Variants in PKNOX1 observed in about 807,000 individuals in gnomAD.
The protein encoded by PKNOX1 is PBX/knotted 1 homeobox 1, also known as homeobox protein PKNOX1.
Under a neutral mutation model 51.9 loss-of-function variants are expected in PKNOX1, and 15 were observed. The observed-to-expected ratio is 0.29, with a 90% CI of 0.19 to 0.45. The LOEUF (loss-of-function observed/expected upper bound fraction) is 0.45, where lower values mean the gene tolerates loss of function less well. PKNOX1 is among the 20% of genes least tolerant of loss of function. The pLI is 1.00. For synonymous variants in PKNOX1, 219 were observed against 211.1 expected (o/e 1.04, Z -0.32); for missense variants, 462 against 547.5 (o/e 0.84, Z 1.56).
At chr21:42,975,758 C>T (rs946434595) in intron 1 of PKNOX1, among the ~76,000 whole-genome samples, 2 of 152,212 alleles carry the variant, frequency 1.3e-5, no homozygotes, top group Non-Finnish European at 2.9e-5. Flanking sequence ...GGGGGGTGTT[C>T]CACCTGTGTG....
At chr21:43,006,096 G>T (rs1003244795) in intron 2 of PKNOX1, among the ~76,000 whole-genome samples, 1 of 151,092 alleles carries the variant, frequency 6.6e-6, no homozygotes, top group South Asian at 2.1e-4. Flanking sequence ...ATCTTTTAAG[G>T]CTTCTTATTT....
intron 1 of PKNOX1, among the ~76,000 whole-genome samples, chr21:42,986,949 T>C (rs2059055057): frequency 6.6e-6 from 1 of 152,164 alleles, no homozygotes; most frequent in Non-Finnish European, 1.5e-5. Context: ...GAGTTGGTCC[T>C]CTGCTAGGCG....
chr21:43,004,356 GATGTCTT>G lies in PKNOX1; in HGVS notation c.-23_-17del. The G allele has an allele frequency of 6.5e-7, 1 of 1,529,876 alleles. No homozygotes were observed. The highest frequency in any genetic ancestry group is 1.1e-5 in the South Asian group (1 of 89,196). The allele number at this position is 1,529,876 out of a possible 1,614,324, so 94.8% of individuals were successfully genotyped here. ...ATTCGCTTTTCACCCAAGATGATTT[GATGTCTT>G]ATAAAACTCTGATGAACCATGATGG... On this transcript the variant is annotated 5_prime_UTR_variant, in exon 2 of 11. The change abolishes an upstream ATG in the 5' untranslated region. Transcript: ENST00000291547.
intron 4 of PKNOX1, among the ~76,000 whole-genome samples, chr21:43,010,578 G>C (rs574808472): frequency 6.6e-5 from 10 of 152,138 alleles, no homozygotes; most frequent in African/African-American, 2.4e-4. Context: ...TAGGCCAGGC[G>C]TGGTGGCTCA....
At chr21:42,978,295 G>A (rs1375744953) in intron 1 of PKNOX1, among the ~76,000 whole-genome samples, 3 of 151,984 alleles carry the variant, frequency 2.0e-5, no homozygotes, top group Non-Finnish European at 2.9e-5. Flanking sequence ...GTGAGCCAAC[G>A]GACCTGGCCA....
intron 1 of PKNOX1, among the ~76,000 whole-genome samples, chr21:42,999,262 C>T (rs1978642037): frequency 6.6e-6 from 1 of 152,316 alleles, no homozygotes; most frequent in South Asian, 2.1e-4. Context: ...GGCACCAAGT[C>T]CCTATGCTGC....
chr21:42,978,791 G>GTT (rs71195903), intron 1 of PKNOX1, among the ~76,000 whole-genome samples: 1 of 150,446 alleles, frequency 6.6e-6, no homozygotes, highest in Non-Finnish European at 1.5e-5. Context: ...GCCCTTTTTT[G>GTT]TTTTTTTTTA....
chr21:42,980,829 T>A (rs1000191057), intron 1 of PKNOX1, among the ~76,000 whole-genome samples: 1 of 152,214 alleles, frequency 6.6e-6, no homozygotes, highest in Non-Finnish European at 1.5e-5. Context: ...CTCCAGGGCT[T>A]ATTGTCTGCC....
At chr21:43,019,162 A>G (rs1255727649) in intron 7 of PKNOX1, among the ~76,000 whole-genome samples, 1 of 151,192 alleles carries the variant, frequency 6.6e-6, no homozygotes, top group Non-Finnish European at 1.5e-5. Context: ...GGAGGCCGAG[A>G]TGGGTGGATC....
At chr21:43,010,411 T>C (rs762447769) in intron 4 of PKNOX1, among the ~76,000 whole-genome samples, 187 bp downstream of exon 4, 4 of 152,140 alleles carry the variant, frequency 2.6e-5, no homozygotes, top group East Asian at 3.8e-4. Context: ...TCTAGGTATC[T>C]TTTATTTATT....
In PKNOX1 at chr21:43,021,553, C is replaced by A; in HGVS notation, c.849+122C>A. 1 of 1,186,998 alleles carries A rather than the reference C, an allele frequency of 8.4e-7. No individual in the cohort carries two copies. Among genetic ancestry groups the A allele is most frequent in the Non-Finnish European group, 1.2e-6 (1 of 858,182 alleles). 73.5% of individuals were successfully genotyped at this position (1,186,998 alleles called of 1,614,324 possible). A position where few individuals can be genotyped will look rare whatever the true frequency, so the allele number is the denominator to read the frequency against. On this transcript the variant is annotated intron_variant, in intron 8 of 10. Transcript: ENST00000291547. The surrounding 1 kb of genome is among the most constrained non-coding windows in gnomAD (Gnocchi z 4.6). ...AAAATCAAAGGCCTGACTTTCAGGA[C>A]TTTGTGGCATGTCCATAATGTGGGG...
At chr21:43,000,876 C>T (rs1211986350) in intron 1 of PKNOX1, among the ~76,000 whole-genome samples, 1 of 152,078 alleles carries the variant, frequency 6.6e-6, no homozygotes, top group Non-Finnish European at 1.5e-5. Context: ...GAACAAGAAC[C>T]TGTCTCTAAA....
chr21:43,003,882 A>C (rs189658449), intron 1 of PKNOX1: 12 of 155,028 alleles, frequency 7.7e-5, no homozygotes, highest in African/African-American at 2.4e-4. Flanking sequence ...GATTTGGGTC[A>C]TAACATACTG....
chr21:43,032,088 G>A lies in PKNOX1; in HGVS notation c.*1987G>A, dbSNP rs763009913. 13 of 444,540 alleles carry A rather than the reference G, an allele frequency of 2.9e-5. No homozygotes were observed. The highest frequency in any genetic ancestry group is 4.1e-5 in the Non-Finnish European group (9 of 220,574). 27.5% of individuals were successfully genotyped at this position (444,540 alleles called of 1,614,324 possible). On this transcript the variant is annotated 3_prime_UTR_variant, in exon 11 of 11. Coordinates refer to ENST00000291547, the MANE Select transcript of PKNOX1 (RefSeq NM_004571.5). ...TTGGTCGGGCTGGTCTCGAACTCCC[G>A]ACCTCAGGTGATCTGCCTGCCTCAG... is the stretch of plus-strand genomic sequence containing the variant.
At position 43,032,055 on chromosome 21, in the gene PKNOX1, T is replaced by C. The variant is rs1409155810; in HGVS notation, c.*1954T>C. 2.5e-6 allele frequency: 1 copy of C among 407,892 alleles called. No homozygotes were observed. The highest frequency in any genetic ancestry group is 3.0e-5 in the Admixed American group (1 of 33,444). The allele number at this position is 407,892 out of a possible 1,614,324, so 25.3% of individuals were successfully genotyped here. A position where few individuals can be genotyped will look rare whatever the true frequency, so the allele number is the denominator to read the frequency against. Reference sequence around the variant, plus strand: ...TTTGTATTTTTAGTAGAGATGGGTTTCTCCATGTTGGTCGGGCTGGTCTCG... The same window carrying C: ...TTTGTATTTTTAGTAGAGATGGGTTCCTCCATGTTGGTCGGGCTGGTCTCG... On this transcript the variant is annotated 3_prime_UTR_variant, in exon 11 of 11. Coordinates refer to ENST00000291547, the MANE Select transcript of PKNOX1 (RefSeq NM_004571.5).
chr21:43,004,334 C>T lies in PKNOX1; in HGVS notation c.-48C>T, dbSNP rs75994231. The T allele has an allele frequency of 0.014, 18,013 of 1,275,420 alleles. 189 individuals carry two copies. Among genetic ancestry groups the T allele is most frequent in the Non-Finnish European group, 0.018 (15,845 of 872,004 alleles). The allele number at this position is 1,275,420 out of a possible 1,614,324, so 79.0% of individuals were successfully genotyped here. ...CTGGTTTTGTTCTCCAGACACCATT[C>T]GCTTTTCACCCAAGATGATTTGATG... is the stretch of plus-strand genomic sequence containing the variant. On this transcript the variant is annotated 5_prime_UTR_variant, in exon 2 of 11. Coordinates refer to ENST00000291547, the MANE Select transcript of PKNOX1 (RefSeq NM_004571.5).
intron 1 of PKNOX1, among the ~76,000 whole-genome samples, chr21:42,976,089 A>C (rs968386285): frequency 6.6e-6 from 1 of 152,244 alleles, no homozygotes; most frequent in African/African-American, 2.4e-5. Flanking sequence ...GTCCTTGTAC[A>C]CAGGCGTACC....
chr21:43,025,028 C>G, intron 9 of PKNOX1, 81 bp downstream of exon 9: 1 of 862,438 alleles, frequency 1.2e-6, no homozygotes, highest in Non-Finnish European at 1.9e-6. Flanking sequence ...ATGGTGAAAT[C>G]TTGCTGAAAA....
At chr21:42,981,948 G>A (rs540074811) in intron 1 of PKNOX1, among the ~76,000 whole-genome samples, 2 of 152,330 alleles carry the variant, frequency 1.3e-5, no homozygotes, top group African/African-American at 4.8e-5. Context: ...GCTCTGGCAG[G>A]ATCCAGTTCT....
Sources: gnomAD v4.1 joint callset for allele counts (sites outside exome capture counted in the v4.1 genomes callset) on GRCh38, gnomAD v4.1.1 for gene constraint, Gnocchi (gnomAD v3.1) non-coding constraint, MANE v1.5 for transcripts, NCBI Gene and HGNC (gene_info 2026-07-23, HGNC 2026-07-21) for gene names.